SEMA3C: variants seen among roughly 807,000 people sequenced by gnomAD.
The protein encoded by SEMA3C is semaphorin-3C.
SEMA3C carries 47 observed loss-of-function variants against 89.4 expected under a neutral mutation model. The observed-to-expected ratio is 0.53, with a 90% CI of 0.42 to 0.67. The LOEUF (loss-of-function observed/expected upper bound fraction) is 0.67, where lower values mean the gene tolerates loss of function less well. Ranked by LOEUF, SEMA3C falls within the 30% of genes least tolerant of loss-of-function variation. The probability of loss-of-function intolerance (pLI) is 0.00; values close to 1 mark genes in which losing one functional copy is unlikely to be tolerated. For synonymous variants in SEMA3C, 310 were observed against 320.2 expected (o/e 0.97, Z 0.34); for missense variants, 839 against 929.1 (o/e 0.90, Z 1.26).
At chr7:80,865,152 G>A (rs1424838541) in intron 2 of SEMA3C, among the ~76,000 whole-genome samples, 2 of 151,910 alleles carry the variant, frequency 1.3e-5, no homozygotes. Flanking sequence ...TTAGCTTTGT[G>A]GTCTTAAAAA....
At chr7:80,785,898 G>A (rs1330260623) in intron 12 of SEMA3C, among the ~76,000 whole-genome samples, 2 of 152,232 alleles carry the variant, frequency 1.3e-5, no homozygotes, top group Admixed American at 6.5e-5. Context: ...GTGAGCCACT[G>A]TGCCTGGCCA....
intron 2 of SEMA3C, among the ~76,000 whole-genome samples, chr7:80,891,068 T>C (rs1297216636): frequency 1.3e-5 from 2 of 152,208 alleles, no homozygotes; most frequent in East Asian, 1.9e-4. Flanking sequence ...TCTTGATTTA[T>C]AGCAGTCTGC....
intron 11 of SEMA3C, among the ~76,000 whole-genome samples, chr7:80,791,314 T>G (rs1162644965): frequency 6.6e-6 from 1 of 152,144 alleles, no homozygotes; most frequent in Non-Finnish European, 1.5e-5. Context: ...AACCATTGGG[T>G]ATAATATTTT....
chr7:80,812,950 C>T (rs1054355281), intron 5 of SEMA3C, among the ~76,000 whole-genome samples: 1 of 144,080 alleles, frequency 6.9e-6, no homozygotes, highest in Non-Finnish European at 1.5e-5. Context: ...CCACGCCTGG[C>T]TATTTTTTGT....
chr7:80,806,211 A>G (rs1423903935), intron 6 of SEMA3C, among the ~76,000 whole-genome samples: 2 of 152,156 alleles, frequency 1.3e-5, no homozygotes, highest in Non-Finnish European at 2.9e-5. Context: ...ACTAGTGCTA[A>G]GCTATTGAAC....
At chr7:80,789,239 C>A in intron 12 of SEMA3C, 67 bp downstream of exon 12, 2 of 1,263,844 alleles carry the variant, frequency 1.6e-6, no homozygotes, top group Non-Finnish European at 2.2e-6. Context: ...ATGGCCCTTA[C>A]CTACTACCTA....
At chr7:80,756,572 CT>C (rs1788071309) in intron 15 of SEMA3C, among the ~76,000 whole-genome samples, 1 of 152,190 alleles carries the variant, frequency 6.6e-6, no homozygotes, top group South Asian at 2.1e-4. Flanking sequence ...TAAATAAAAA[CT>C]TTTCAATTAC....
At chr7:80,911,967 G>A (rs892094065) in intron 2 of SEMA3C, among the ~76,000 whole-genome samples, 1 of 151,942 alleles carries the variant, frequency 6.6e-6, no homozygotes, top group African/African-American at 2.4e-5. Flanking sequence ...GTGTTCGTAT[G>A]ACCGATTAAC....
chr7:80,897,293 A>C (rs1033881352), intron 2 of SEMA3C, among the ~76,000 whole-genome samples: 3 of 152,226 alleles, frequency 2.0e-5, no homozygotes, highest in African/African-American at 7.2e-5. Flanking sequence ...TAAAACACTA[A>C]GAAAAAGGCC....
intron 15 of SEMA3C, among the ~76,000 whole-genome samples, chr7:80,754,256 TA>T (rs1788004531): frequency 6.6e-6 from 1 of 151,766 alleles, no homozygotes; most frequent in Non-Finnish European, 1.5e-5. Context: ...TAGTTTTTTT[TA>T]AAAACGGAGA....
chr7:80,870,868 C>T (rs1409159336), intron 2 of SEMA3C, among the ~76,000 whole-genome samples: 1 of 152,212 alleles, frequency 6.6e-6, no homozygotes, highest in East Asian at 1.9e-4. Context: ...GGAGAAAGAA[C>T]TCCCCTGAGC....
At chr7:80,888,536 C>A (rs763355587) in intron 2 of SEMA3C, among the ~76,000 whole-genome samples, 1 of 151,944 alleles carries the variant, frequency 6.6e-6, no homozygotes, top group Non-Finnish European at 1.5e-5. Context: ...ACATTAAGTC[C>A]AATAATAATG....
intron 5 of SEMA3C, among the ~76,000 whole-genome samples, chr7:80,816,677 A>G (rs923427025): frequency 3.3e-5 from 5 of 152,218 alleles, no homozygotes; most frequent in Non-Finnish European, 4.4e-5. Flanking sequence ...CTTAAAAATC[A>G]TAACCCTGTT....
intron 11 of SEMA3C, 35 bp downstream of exon 11, chr7:80,798,057 A>G (rs1378033074): frequency 8.9e-6 from 14 of 1,571,208 alleles, no homozygotes; most frequent in Non-Finnish European, 1.2e-5. Context: ...GTTTTTATAA[A>G]GCATCATAAC....
chr7:80,886,063 T>C (rs1240856437), intron 2 of SEMA3C, among the ~76,000 whole-genome samples: 1 of 152,232 alleles, frequency 6.6e-6, no homozygotes, highest in Admixed American at 6.5e-5. Context: ...GAGTCTAAAA[T>C]ATACTCACAT....
In SEMA3C at chr7:80,810,708, T is replaced by G. The variant is rs1268654218; in HGVS notation, c.448-7A>C. ...CAATCATGAAAACTTGGTCCTTTATTGTAGATAAAATTTAAAATGTGGCAA... is the reference window on the plus strand; with the variant it reads ...CAATCATGAAAACTTGGTCCTTTATGGTAGATAAAATTTAAAATGTGGCAA... On this transcript the variant is annotated splice_polypyrimidine_tract_variant and splice_region_variant and intron_variant, in intron 5 of 17. Transcript: ENST00000265361. 37 of 1,608,144 alleles carry G rather than the reference T, an allele frequency of 2.3e-5. No homozygotes were observed. The highest frequency in any genetic ancestry group is 3.1e-5 in the Non-Finnish European group (37 of 1,175,172).
In SEMA3C at chr7:80,745,138, G is replaced by A. The variant is rs780909318; in HGVS notation, c.2012C>T (p.Thr671Met). ...CCAGGTCCATGGGGACCATTTGTCC[G>A]TCACAACAGCCACCATTTCTGAATC... is the stretch of plus-strand genomic sequence containing the variant. ...VLDSEMVAVV[T>M]DKWSPWTWAS... is the part of the protein sequence containing the mutation. Residue 671 changes from threonine to methionine, a missense_variant, in exon 18 of 18, where the codon ACG becomes ATG. Thr to Met is a moderately conservative substitution (Grantham distance 81). Coordinates refer to ENST00000265361, the MANE Select transcript of SEMA3C (RefSeq NM_006379.5). 1.0e-4 allele frequency: 167 copies of A among 1,613,868 alleles called. 1 individual carries two copies. Among genetic ancestry groups the A allele is most frequent in the Admixed American group, 7.2e-4 (43 of 59,940 alleles).
At position 80,797,952 on chromosome 7, in the gene SEMA3C, T is replaced by C. The variant is rs1200233558; in HGVS notation, c.1131+140A>G. On this transcript the variant is annotated intron_variant, in intron 11 of 17. Transcript: ENST00000265361. ...GGCGGAGGGTGAGGTGAGCTGAGAT[T>C]GCACCACTACATTCCACCCTGGGCA... is the stretch of plus-strand genomic sequence containing the variant. The C allele has an allele frequency of 6.8e-6, 5 of 736,906 alleles. No homozygotes were observed. The highest frequency in any genetic ancestry group is 1.0e-5 in the Non-Finnish European group (5 of 476,512). 45.6% of individuals were successfully genotyped at this position (736,906 alleles called of 1,614,324 possible).
At chr7:80,766,978 A>G (rs1488132584) in intron 12 of SEMA3C, among the ~76,000 whole-genome samples, 1 of 152,196 alleles carries the variant, frequency 6.6e-6, no homozygotes, top group Non-Finnish European at 1.5e-5. Context: ...CCAAGGCAGG[A>G]ATCAGGGGAG....
Sources: allele counts gnomAD v4.1 joint callset (sites outside exome capture counted in the v4.1 genomes callset), GRCh38; gene constraint gnomAD v4.1.1; transcripts MANE v1.5; gene names NCBI Gene and HGNC (gene_info 2026-07-23, HGNC 2026-07-21).